KMO: variants seen among roughly 807,000 people sequenced by gnomAD.
KMO encodes the protein kynurenine 3-monooxygenase.
A neutral mutation model predicts 57.8 loss-of-function variants in KMO; 24 were observed. The ratio of observed to expected loss-of-function variants is 0.42; its 90% CI spans 0.30 to 0.58. The LOEUF (loss-of-function observed/expected upper bound fraction) is 0.58, where lower values mean the gene tolerates loss of function less well. KMO is among the 20% of genes least tolerant of loss of function. The pLI is 0.22. For synonymous variants in KMO, 210 were observed against 193.6 expected (o/e 1.08, Z -0.70); for missense variants, 483 against 588.2 (o/e 0.82, Z 1.85).
intron 10 of KMO, among the ~76,000 whole-genome samples, chr1:241,580,611 G>T (rs964814974): frequency 7.2e-5 from 11 of 151,940 alleles, no homozygotes; most frequent in African/African-American, 2.4e-4. Flanking sequence ...TGACCCAGTG[G>T]TCATTCAGGA....
chr1:241,569,041 A>G (rs1332438749), intron 10 of KMO, among the ~76,000 whole-genome samples: 2 of 152,076 alleles, frequency 1.3e-5, no homozygotes, highest in Non-Finnish European at 2.9e-5. Context: ...ATTATTATGG[A>G]TATATACTAG....
At chr1:241,589,841 T>C (rs902430266) in intron 12 of KMO, among the ~76,000 whole-genome samples, 171 bp from the exon 13 acceptor site, 4 of 152,198 alleles carry the variant, frequency 2.6e-5, no homozygotes, top group Non-Finnish European at 5.9e-5. Flanking sequence ...CAACGTCCTA[T>C]ATGACCGACA....
At chr1:241,562,910 GGAAGGAAA>G (rs1359406254) in intron 7 of KMO, among the ~76,000 whole-genome samples, 1,203 of 33,140 alleles carry the variant, frequency 0.036, 35 homozygotes, top group Non-Finnish European at 0.038. Context: ...AAGGAAGGAA[GGAAGGAAA>G]GAAGGAAGGA....
At chr1:241,546,228 A>G (rs1661142658) in intron 1 of KMO, among the ~76,000 whole-genome samples, 1 of 152,082 alleles carries the variant, frequency 6.6e-6, no homozygotes, top group Non-Finnish European at 1.5e-5. Context: ...TGCCCTCCTG[A>G]GCAAGGGGTG....
At chr1:241,566,639 C>T in intron 9 of KMO, 27 bp downstream of exon 9, 3 of 1,611,936 alleles carry the variant, frequency 1.9e-6, no homozygotes, top group Non-Finnish European at 2.5e-6. Flanking sequence ...GCCTTTTGCT[C>T]CATTTGTTTT....
rs1661591516 is a variant in KMO at position 241,555,722 on chromosome 1, T to C, written c.361+62T>C. The C allele has an allele frequency of 4.1e-6, 4 of 982,636 alleles. No individual in the cohort carries two copies. The East Asian group carries it at 9.6e-5, about 24-fold the overall frequency. The allele number at this position is 982,636 out of a possible 1,614,324, so 60.9% of individuals were successfully genotyped here. On this transcript the variant is annotated intron_variant, in intron 5 of 14. Transcript: ENST00000366559. ...AGTAAAGCACATGACACTAATCTTG[T>C]CATATGATTTATTGGATTTGTTTGC...
chr1:241,566,743 A>G (rs1394269977), intron 9 of KMO, 131 bp downstream of exon 9: 1 of 946,292 alleles, frequency 1.1e-6, no homozygotes, highest in Admixed American at 2.2e-5. Flanking sequence ...AACCTACATT[A>G]GAGCAAAAGT....
intron 5 of KMO, among the ~76,000 whole-genome samples, chr1:241,557,546 A>G (rs769366877): frequency 6.6e-6 from 1 of 152,236 alleles, no homozygotes; most frequent in African/African-American, 2.4e-5. Flanking sequence ...CAGATACAAG[A>G]AAGAGGGTTT....
intron 10 of KMO, among the ~76,000 whole-genome samples, chr1:241,571,799 G>T (rs1256669477): frequency 6.6e-6 from 1 of 150,484 alleles, no homozygotes; most frequent in Non-Finnish European, 1.5e-5. Flanking sequence ...TGGCCTCTTA[G>T]AATTAGTTTG....
chr1:241,549,241 GAAAGAAA>G (rs1661286769), intron 2 of KMO, among the ~76,000 whole-genome samples: 1 of 16,120 alleles, frequency 6.2e-5, no homozygotes, highest in African/African-American at 1.2e-4. Context: ...AAGAAAGAAA[GAAAGAAA>G]GAAAGAAAGA....
intron 10 of KMO, among the ~76,000 whole-genome samples, chr1:241,571,345 C>T (rs1662270082): frequency 1.3e-5 from 2 of 151,978 alleles, no homozygotes; most frequent in African/African-American, 2.4e-5. Flanking sequence ...AATGGTTGTT[C>T]TTGTCTTGTT....
At chr1:241,587,894 T>C (rs1357589694) in intron 11 of KMO, among the ~76,000 whole-genome samples, 1 of 152,108 alleles carries the variant, frequency 6.6e-6, no homozygotes, top group Non-Finnish European at 1.5e-5. Context: ...GTATATTACA[T>C]ATATAAAAGA....
At chr1:241,591,863 A>AT in intron 14 of KMO, 90 bp from the exon 15 acceptor site, 1 of 983,170 alleles carries the variant, frequency 1.0e-6, no homozygotes, top group Non-Finnish European at 1.6e-6. Context: ...CAAAGAGGAC[A>AT]TTGTTTACCC....
At chr1:241,573,775 G>C (rs972035801) in intron 10 of KMO, among the ~76,000 whole-genome samples, 7 of 151,848 alleles carry the variant, frequency 4.6e-5, no homozygotes, top group Non-Finnish European at 1.0e-4. Flanking sequence ...CCTTAGAATT[G>C]TTTTTGTTTT....
At chr1:241,539,149 G>A (rs931316393) in intron 1 of KMO, among the ~76,000 whole-genome samples, 1 of 152,130 alleles carries the variant, frequency 6.6e-6, no homozygotes, top group Admixed American at 6.5e-5. Context: ...TTGGGAGTCC[G>A]AGGTGGGTGG....
At position 241,549,241 on chromosome 1, in the gene KMO, GAAAGAAAGAAA is replaced by G. The variant is rs1558414820; in HGVS notation, c.124+344_124+354del. 3.4e-3 allele frequency among the ~76,000 whole-genome samples: 55 copies of G among 16,138 alleles called. 3 individuals carry two copies. Among genetic ancestry groups the G allele is most frequent in the East Asian group, 9.7e-3 (3 of 310 alleles). The allele number at this position is 16,138 out of a possible 152,430, so 10.6% of individuals were successfully genotyped here. On this transcript the variant is annotated intron_variant, in intron 2 of 14. Coordinates refer to ENST00000366559, the MANE Select transcript of KMO (RefSeq NM_003679.5). Reference sequence around the variant, plus strand: ...AGAAAGAAAGAAAGAAAGAAAGAAAGAAAGAAAGAAAGAAAGAAAGAAAGAAAGGAAGGAAG... The same window carrying G: ...AGAAAGAAAGAAAGAAAGAAAGAAAGGAAAGAAAGAAAGAAAGGAAGGAAG...
At chr1:241,573,957 T>C (rs990626617) in intron 10 of KMO, among the ~76,000 whole-genome samples, 2 of 152,134 alleles carry the variant, frequency 1.3e-5, no homozygotes, top group African/African-American at 4.8e-5. Flanking sequence ...CAGTGTTTTG[T>C]AGCTCTCTTT....
intron 9 of KMO, among the ~76,000 whole-genome samples, chr1:241,568,237 A>G (rs1302164671): frequency 6.6e-6 from 1 of 152,230 alleles, no homozygotes; most frequent in Non-Finnish European, 1.5e-5. Flanking sequence ...TTAATAATAT[A>G]TGATACAGAA....
intron 10 of KMO, among the ~76,000 whole-genome samples, chr1:241,582,172 T>C (rs1046725531): frequency 6.6e-6 from 1 of 152,182 alleles, no homozygotes; most frequent in Non-Finnish European, 1.5e-5. Context: ...TTGCTTATTT[T>C]TACTTGTTGC....
Sources: gnomAD v4.1 joint callset for allele counts (sites outside exome capture counted in the v4.1 genomes callset) on GRCh38, gnomAD v4.1.1 for gene constraint, MANE v1.5 for transcripts, NCBI Gene and HGNC (gene_info 2026-07-23, HGNC 2026-07-21) for gene names.